OLFM3: variants seen among roughly 807,000 people sequenced by gnomAD.
OLFM3 encodes olfactomedin 3.
Under a neutral mutation model 48.6 loss-of-function variants are expected in OLFM3, and 20 were observed. The ratio of observed to expected loss-of-function variants is 0.41; its 90% CI spans 0.29 to 0.60. The LOEUF is 0.60. Among genes scored for constraint, OLFM3 ranks in the 20% least tolerant of loss-of-function variants. The probability of loss-of-function intolerance (pLI) is 0.28; values close to 1 mark genes in which losing one functional copy is unlikely to be tolerated. For synonymous variants in OLFM3, 222 were observed against 198.1 expected (o/e 1.12, Z -1.01); for missense variants, 437 against 544.3 (o/e 0.80, Z 1.96).
At chr1:101,995,667 C>A (rs1165717792) in intron 1 of OLFM3, among the ~76,000 whole-genome samples, 1 of 152,080 alleles carries the variant, frequency 6.6e-6, no homozygotes, top group Non-Finnish European at 1.5e-5. Context: ...CATCTTAGTT[C>A]TATTCAGTAA....
intron 1 of OLFM3, among the ~76,000 whole-genome samples, chr1:101,945,635 C>CT (rs1185987984): frequency 1.3e-5 from 2 of 151,562 alleles, no homozygotes; most frequent in Non-Finnish European, 2.9e-5. Context: ...GTACACTTAT[C>CT]TTAATTTTTT....
intron 4 of OLFM3, chr1:101,812,531 C>T: frequency 3.0e-6 from 3 of 985,312 alleles, no homozygotes; most frequent in Non-Finnish European, 3.6e-6. Context: ...TTAGTTGAAA[C>T]CTGAACAAGA....
chr1:101,960,638 C>A (rs1660439672), intron 1 of OLFM3, among the ~76,000 whole-genome samples: 1 of 151,398 alleles, frequency 6.6e-6, no homozygotes, highest in African/African-American at 2.4e-5. Flanking sequence ...GTGAGTATTG[C>A]CAAATTGCCT....
chr1:101,912,060 T>C (rs1352860204), intron 1 of OLFM3, among the ~76,000 whole-genome samples: 1 of 152,214 alleles, frequency 6.6e-6, no homozygotes, highest in Non-Finnish European at 1.5e-5. Context: ...AGGGGGTTTA[T>C]CGAGCATCTC....
chr1:101,984,592 G>A (rs1661185927), intron 1 of OLFM3, among the ~76,000 whole-genome samples: 1 of 152,176 alleles, frequency 6.6e-6, no homozygotes, highest in South Asian at 2.1e-4. Context: ...TAGAGACGGG[G>A]TTTCACCATG....
At chr1:101,903,289 T>C (rs1658450112) in intron 1 of OLFM3, among the ~76,000 whole-genome samples, 1 of 151,986 alleles carries the variant, frequency 6.6e-6, no homozygotes, top group South Asian at 2.1e-4. Flanking sequence ...CAAAGACAAT[T>C]GTTAGGTAGA....
chr1:101,878,264 A>T (rs1657380748), intron 1 of OLFM3, among the ~76,000 whole-genome samples: 1 of 151,846 alleles, frequency 6.6e-6, no homozygotes, highest in South Asian at 2.1e-4. Context: ...GTTAATGGTC[A>T]TATGCTTCAT....
At chr1:101,929,403 T>C (rs752015461) in intron 1 of OLFM3, among the ~76,000 whole-genome samples, 17 of 152,116 alleles carry the variant, frequency 1.1e-4, no homozygotes, top group Non-Finnish European at 2.4e-4. Flanking sequence ...TGAATTACAG[T>C]CTTGTACACT....
At chr1:101,884,477 GAAAAAC>G (rs1447159594) in intron 1 of OLFM3, among the ~76,000 whole-genome samples, 7 of 150,428 alleles carry the variant, frequency 4.7e-5, no homozygotes, top group African/African-American at 1.5e-4. Context: ...GCCCTATTCT[GAAAAAC>G]AAAAACAAAA....
chr1:101,912,612 A>G lies in OLFM3; in HGVS notation c.70-75587T>C, dbSNP rs374117782. On this transcript the variant is annotated intron_variant, in intron 1 of 5. Transcript: ENST00000370103. ...GGGGATATAAGACAGAGGTTGAGAA[A>G]GCTGCAGAGACGCCTACAGGGAGAG... Among the ~76,000 whole-genome samples the G allele has an allele frequency of 1.9e-4, 29 of 152,350 alleles. 1 individual carries two copies. The highest frequency in any genetic ancestry group is 6.7e-4 in the African/African-American group (28 of 41,582).
intron 1 of OLFM3, among the ~76,000 whole-genome samples, chr1:101,932,111 G>T (rs967932922): frequency 1.2e-4 from 18 of 152,066 alleles, no homozygotes; most frequent in Admixed American, 7.2e-4. Flanking sequence ...ATACTGTAAG[G>T]CTTTATTTTT....
chr1:101,828,198 G>C (rs575503943), intron 3 of OLFM3, among the ~76,000 whole-genome samples: 1 of 151,960 alleles, frequency 6.6e-6, no homozygotes. Context: ...CACACATTAC[G>C]CAGTCTCAGC....
intron 1 of OLFM3, among the ~76,000 whole-genome samples, chr1:101,873,954 C>T (rs995757856): frequency 2.6e-5 from 4 of 151,854 alleles, no homozygotes; most frequent in African/African-American, 9.7e-5. Flanking sequence ...ACTTCAAGAT[C>T]TAGCAGAGAA....
chr1:101,909,700 A>G (rs937304888), intron 1 of OLFM3, among the ~76,000 whole-genome samples: 1 of 152,126 alleles, frequency 6.6e-6, no homozygotes, highest in African/African-American at 2.4e-5. Context: ...ATTACTTGTC[A>G]TATGTCTCAA....
At chr1:101,961,798 A>C (rs1425086847) in intron 1 of OLFM3, among the ~76,000 whole-genome samples, 1 of 152,168 alleles carries the variant, frequency 6.6e-6, no homozygotes, top group African/African-American at 2.4e-5. Flanking sequence ...AGTTTTCACA[A>C]GAGGTAAGTT....
chr1:101,914,946 T>C (rs189787685), intron 1 of OLFM3, among the ~76,000 whole-genome samples: 54 of 152,320 alleles, frequency 3.5e-4, no homozygotes, highest in African/African-American at 1.3e-3. Flanking sequence ...CACTTAGTAC[T>C]TGATGAAGAT....
chr1:101,946,850 T>G (rs932468591), intron 1 of OLFM3, among the ~76,000 whole-genome samples: 1 of 152,196 alleles, frequency 6.6e-6, no homozygotes, highest in African/African-American at 2.4e-5. Context: ...AAGTGTATAC[T>G]TACAATGATT....
At chr1:101,976,092 A>G (rs1660945228) in intron 1 of OLFM3, among the ~76,000 whole-genome samples, 1 of 152,204 alleles carries the variant, frequency 6.6e-6, no homozygotes. Context: ...TTAAGACATG[A>G]AAGTCTCCAA....
intron 1 of OLFM3, among the ~76,000 whole-genome samples, chr1:101,975,946 A>G (rs938396456): frequency 1.3e-5 from 2 of 152,174 alleles, no homozygotes; most frequent in Non-Finnish European, 2.9e-5. Flanking sequence ...ATGGAAGAAA[A>G]AAACAGCCAA....
Sources: allele counts gnomAD v4.1 joint callset (sites outside exome capture counted in the v4.1 genomes callset), GRCh38; gene constraint gnomAD v4.1.1; transcripts MANE v1.5; gene names NCBI Gene and HGNC (gene_info 2026-07-23, HGNC 2026-07-21).